Variants in SDK1 observed in about 807,000 individuals in gnomAD.
SDK1 encodes sidekick cell adhesion molecule 1, also known as protein sidekick-1.
Under a neutral mutation model 245.5 loss-of-function variants are expected in SDK1, and 157 were observed. That is an observed-to-expected ratio of 0.64 (90% confidence interval 0.56 to 0.73). SDK1 has a LOEUF of 0.73. SDK1 is among the 30% of genes least tolerant of loss of function. SDK1 has a pLI of 0.00. For missense variants in SDK1, 3,583 were observed against 3,002.3 expected (o/e 1.19, Z -4.52); for synonymous variants, 1,647 against 1,278.5 (o/e 1.29, Z -6.15).
At chr7:3,312,196 A>G (rs1779566813) in intron 1 of SDK1, among the ~76,000 whole-genome samples, 1 of 152,194 alleles carries the variant, frequency 6.6e-6, no homozygotes, top group South Asian at 2.1e-4. Flanking sequence ...CTAACCTTCA[A>G]GCTGAGACAA....
chr7:3,675,704 A>T (rs1276707073), intron 4 of SDK1, among the ~76,000 whole-genome samples: 1 of 152,066 alleles, frequency 6.6e-6, no homozygotes, highest in Non-Finnish European at 1.5e-5. Context: ...CACTACAGGC[A>T]TTTTTGTAGA....
At chr7:3,350,754 G>A (rs1010282697) in intron 1 of SDK1, among the ~76,000 whole-genome samples, 2 of 152,070 alleles carry the variant, frequency 1.3e-5, no homozygotes, top group East Asian at 3.9e-4. Context: ...AAGATGCTAG[G>A]CTTTGTACTG....
rs73294209 is a variant in SDK1 at position 3,361,204 on chromosome 7, G to C, written c.298+59320G>C. On this transcript the variant is annotated intron_variant, in intron 1 of 44. Coordinates refer to ENST00000404826, the MANE Select transcript of SDK1 (RefSeq NM_152744.4). Reference sequence around the variant, plus strand: ...GGTGGCTCATGCCTGTAAACTCTTCGGGAGATTGAAACGGGAGGATTGCAC... The same window carrying C: ...GGTGGCTCATGCCTGTAAACTCTTCCGGAGATTGAAACGGGAGGATTGCAC... 9.2e-3 allele frequency among the ~76,000 whole-genome samples: 1,394 copies of C among 152,120 alleles called. 30 individuals are homozygous for C. The highest frequency in any genetic ancestry group is 0.031 in the African/African-American group (1,301 of 41,486).
At chr7:3,637,682 A>C (rs946707593) in intron 2 of SDK1, among the ~76,000 whole-genome samples, 2 of 152,244 alleles carry the variant, frequency 1.3e-5, no homozygotes, top group South Asian at 4.1e-4. Context: ...AAATTGTACT[A>C]AAAAATTTAG....
At chr7:3,730,495 A>T (rs1055127315) in intron 4 of SDK1, among the ~76,000 whole-genome samples, 2 of 152,142 alleles carry the variant, frequency 1.3e-5, no homozygotes, top group African/African-American at 2.4e-5. Flanking sequence ...GGTAATAGAG[A>T]TGTGAATGAG....
At chr7:4,125,959 G>A (rs1784369252) in intron 25 of SDK1, among the ~76,000 whole-genome samples, 1 of 152,174 alleles carries the variant, frequency 6.6e-6, no homozygotes, top group Admixed American at 6.6e-5. Context: ...ATCACTCCAG[G>A]CTATTTCCCT....
rs559302214 is a variant in SDK1 at position 3,990,201 on chromosome 7, G to T, written c.2131+2879G>T. On this transcript the variant is annotated intron_variant, in intron 14 of 44. Coordinates refer to ENST00000404826, the MANE Select transcript of SDK1 (RefSeq NM_152744.4). ...AGGCCCAGAGGCAGTATGTTATTCC[G>T]GGTCTTAGGCTTCTAAGGTTACACC... Among the ~76,000 whole-genome samples the T allele has an allele frequency of 4.6e-5, 7 of 152,248 alleles. No homozygotes were observed. In the South Asian group the frequency reaches 1.0e-3, roughly 22 times the overall value.
intron 4 of SDK1, among the ~76,000 whole-genome samples, chr7:3,798,581 T>A (rs1436067398): frequency 6.6e-6 from 1 of 152,190 alleles, no homozygotes; most frequent in Admixed American, 6.5e-5. Context: ...TTTGGACTTG[T>A]CTGATGGTTT....
chr7:3,422,657 T>C (rs1248734160), intron 1 of SDK1, among the ~76,000 whole-genome samples: 1 of 152,160 alleles, frequency 6.6e-6, no homozygotes, highest in Non-Finnish European at 1.5e-5. Context: ...ATTATTTCTT[T>C]CTGTAGCTCT....
chr7:3,723,507 T>A (rs1048288529), intron 4 of SDK1, among the ~76,000 whole-genome samples: 2 of 152,156 alleles, frequency 1.3e-5, no homozygotes, highest in African/African-American at 4.8e-5. Flanking sequence ...AGTAGCAAAA[T>A]TAGAAACATC....
At chr7:3,612,841 T>A (rs1208820308) in intron 1 of SDK1, among the ~76,000 whole-genome samples, 2 of 152,212 alleles carry the variant, frequency 1.3e-5, no homozygotes, top group Non-Finnish European at 2.9e-5. Context: ...GTGCTGATTA[T>A]GATGGCTTAA....
intron 4 of SDK1, among the ~76,000 whole-genome samples, chr7:3,716,875 A>C (rs532796890): frequency 3.9e-5 from 6 of 152,204 alleles, no homozygotes; most frequent in African/African-American, 1.4e-4. Context: ...GAAAATGATC[A>C]GAGAAGAAGG....
At chr7:3,326,189 A>G (rs554303449) in intron 1 of SDK1, among the ~76,000 whole-genome samples, 1 of 152,182 alleles carries the variant, frequency 6.6e-6, no homozygotes, top group Admixed American at 6.5e-5. Flanking sequence ...GTAGAAATCA[A>G]CAGAAATCCT....
At chr7:3,942,345 G>T (rs1042252563) in intron 5 of SDK1, among the ~76,000 whole-genome samples, 5 of 152,200 alleles carry the variant, frequency 3.3e-5, no homozygotes, top group Admixed American at 6.5e-5. Flanking sequence ...TGACTCTGCA[G>T]AGACGGGGCA....
At chr7:3,676,720 T>G (rs1783915552) in intron 4 of SDK1, among the ~76,000 whole-genome samples, 1 of 152,228 alleles carries the variant, frequency 6.6e-6, no homozygotes, top group African/African-American at 2.4e-5. Context: ...GAGTTCAATT[T>G]TATTCTTCTG....
At chr7:3,841,883 T>C (rs1223752103) in intron 5 of SDK1, among the ~76,000 whole-genome samples, 1 of 152,100 alleles carries the variant, frequency 6.6e-6, no homozygotes, top group African/African-American at 2.4e-5. Context: ...CTCCAAGTCA[T>C]AAGGATGGCC....
chr7:3,408,181 A>G (rs6963384), intron 1 of SDK1, among the ~76,000 whole-genome samples: 9,532 of 151,890 alleles, frequency 0.063, 836 homozygotes, highest in African/African-American at 0.2. Flanking sequence ...GGGACTACAG[A>G]TATGTGCCAC....
chr7:3,443,162 G>A lies in SDK1; in HGVS notation c.298+141278G>A, dbSNP rs576255182. Among the ~76,000 whole-genome samples the A allele has an allele frequency of 1.8e-4, 28 of 151,412 alleles. No individual in the cohort carries two copies. The South Asian group carries it at 5.4e-3, about 29-fold the overall frequency. ...TTCAAGATATTTTATGTTCTATATAGCAATGCAGAGAATATTTAATAAGCA... is the reference window on the plus strand; with the variant it reads ...TTCAAGATATTTTATGTTCTATATAACAATGCAGAGAATATTTAATAAGCA... On this transcript the variant is annotated intron_variant, in intron 1 of 44. Coordinates refer to ENST00000404826, the MANE Select transcript of SDK1 (RefSeq NM_152744.4).
intron 1 of SDK1, among the ~76,000 whole-genome samples, chr7:3,350,228 G>A (rs1780622470): frequency 6.6e-6 from 1 of 152,150 alleles, no homozygotes; most frequent in African/African-American, 2.4e-5. Context: ...GTGCCACAGA[G>A]GAAGAAGTTG....
Sources: allele counts gnomAD v4.1 joint callset (sites outside exome capture counted in the v4.1 genomes callset), GRCh38; gene constraint gnomAD v4.1.1; transcripts MANE v1.5; gene names NCBI Gene and HGNC (gene_info 2026-07-23, HGNC 2026-07-21).